PTPRD: variants seen among roughly 807,000 people sequenced by gnomAD.
PTPRD encodes the protein protein tyrosine phosphatase receptor type D, also known as receptor-type tyrosine-protein phosphatase delta.
PTPRD carries 34 observed loss-of-function variants against 214.5 expected under a neutral mutation model. The ratio of observed to expected loss-of-function variants is 0.16; its 90% CI spans 0.12 to 0.21. PTPRD has a LOEUF of 0.21. PTPRD is among the 10% of genes least tolerant of loss of function. The pLI is 1.00. For synonymous variants in PTPRD, 1,128 were observed against 845.7 expected (o/e 1.33, Z -5.79); for missense variants, 2,545 against 2,398.7 (o/e 1.06, Z -1.27).
chr9:9,353,682 A>G (rs974447366), intron 9 of PTPRD, among the ~76,000 whole-genome samples: 4 of 151,898 alleles, frequency 2.6e-5, no homozygotes, highest in African/African-American at 9.7e-5. Context: ...ATGAGCATCA[A>G]GTATTTTATA....
intron 7 of PTPRD, among the ~76,000 whole-genome samples, chr9:9,599,651 T>G (rs913298424): frequency 4.6e-5 from 7 of 152,028 alleles, no homozygotes; most frequent in African/African-American, 1.7e-4. Flanking sequence ...CTATACCATT[T>G]TTTCTCTTTG....
At chr9:9,196,915 T>A (rs1000831076) in intron 9 of PTPRD, among the ~76,000 whole-genome samples, 1 of 152,116 alleles carries the variant, frequency 6.6e-6, no homozygotes, top group Non-Finnish European at 1.5e-5. Context: ...CATAAACCAT[T>A]TCATGGAATA....
intron 9 of PTPRD, among the ~76,000 whole-genome samples, chr9:9,239,068 C>A (rs2099968905): frequency 6.6e-6 from 1 of 152,012 alleles, no homozygotes; most frequent in Non-Finnish European, 1.5e-5. Context: ...CTTAGAAGAA[C>A]TTGCAATCTC....
At chr9:9,432,608 C>T (rs2083628369) in intron 8 of PTPRD, among the ~76,000 whole-genome samples, 1 of 152,074 alleles carries the variant, frequency 6.6e-6, no homozygotes, top group East Asian at 1.9e-4. Flanking sequence ...AAAAATAAAC[C>T]CAACAGTGCA....
intron 12 of PTPRD, among the ~76,000 whole-genome samples, chr9:8,712,058 C>A (rs2098346028): frequency 6.6e-6 from 1 of 152,174 alleles, no homozygotes; most frequent in African/African-American, 2.4e-5. Context: ...ACTCATACAA[C>A]AGTACAACAC....
At chr9:9,816,904 A>G in intron 5 of PTPRD, among the ~76,000 whole-genome samples, 1 of 116,630 alleles carries the variant, frequency 8.6e-6, no homozygotes, top group East Asian at 2.0e-4. Flanking sequence ...TACTAATAAT[A>G]ATAAAGAAAA....
chr9:10,456,338 T>C (rs1453186353), intron 2 of PTPRD, among the ~76,000 whole-genome samples: 1 of 151,942 alleles, frequency 6.6e-6, no homozygotes, highest in Non-Finnish European at 1.5e-5. Flanking sequence ...AATCAAAACC[T>C]CTGCATAACG....
intron 2 of PTPRD, among the ~76,000 whole-genome samples, chr9:10,454,870 G>A (rs2098894837): frequency 6.6e-6 from 1 of 151,180 alleles, no homozygotes; most frequent in Admixed American, 6.6e-5. Flanking sequence ...CTCTAAGAGT[G>A]GTCCTAAAGA....
chr9:9,414,870 C>G (rs1021632090), intron 8 of PTPRD: 11 of 152,204 alleles, frequency 7.2e-5, no homozygotes, highest in Admixed American at 5.2e-4. Context: ...GAAATAGAAA[C>G]ACATAAAATT....
chr9:9,611,423 T>A (rs892688325), intron 7 of PTPRD, among the ~76,000 whole-genome samples: 2 of 152,198 alleles, frequency 1.3e-5, no homozygotes, highest in African/African-American at 4.8e-5. Context: ...TTGTTTTGAT[T>A]CGTAATTATT....
chr9:9,857,450 G>T (rs551365059), intron 5 of PTPRD, among the ~76,000 whole-genome samples: 2 of 152,226 alleles, frequency 1.3e-5, no homozygotes, highest in East Asian at 3.9e-4. Flanking sequence ...CTAGGTAATT[G>T]CTTTTTTATT....
intron 2 of PTPRD, among the ~76,000 whole-genome samples, chr9:10,362,687 C>G (rs1304790337): frequency 6.6e-6 from 1 of 152,046 alleles, no homozygotes; most frequent in Non-Finnish European, 1.5e-5. Context: ...CGAGACCAGC[C>G]TGGCCAACAT....
At chr9:10,165,965 T>A (rs556877891) in intron 3 of PTPRD, among the ~76,000 whole-genome samples, 182 of 150,534 alleles carry the variant, frequency 1.2e-3, no homozygotes, top group African/African-American at 4.2e-3. Flanking sequence ...AACCTATGTA[T>A]TATGTAAACA....
At chr9:9,639,507 C>A (rs542110054) in intron 7 of PTPRD, among the ~76,000 whole-genome samples, 1 of 152,288 alleles carries the variant, frequency 6.6e-6, no homozygotes, top group East Asian at 1.9e-4. Flanking sequence ...TATCTCAATA[C>A]CTCCAAAATA....
chr9:8,818,571 G>C (rs1233486554), intron 11 of PTPRD, among the ~76,000 whole-genome samples: 1 of 152,158 alleles, frequency 6.6e-6, no homozygotes, highest in Non-Finnish European at 1.5e-5. Context: ...CTGAGACTCA[G>C]AAAGGTTAAG....
At chr9:9,834,611 G>A (rs770898262) in intron 5 of PTPRD, among the ~76,000 whole-genome samples, 1 of 152,036 alleles carries the variant, frequency 6.6e-6, no homozygotes, top group African/African-American at 2.4e-5. Flanking sequence ...ATAAGTACTA[G>A]TTTGGCAGGA....
chr9:8,798,099 T>C (rs1395571575), intron 11 of PTPRD, among the ~76,000 whole-genome samples: 1 of 152,176 alleles, frequency 6.6e-6, no homozygotes, highest in East Asian at 1.9e-4. Context: ...AATGGAATTC[T>C]CTCCTTTTTT....
intron 5 of PTPRD, among the ~76,000 whole-genome samples, chr9:9,915,599 T>A (rs2382060): frequency 0.67 from 100,065 of 150,026 alleles, 33,642 homozygotes; most frequent in Non-Finnish European, 0.74. Flanking sequence ...AAAAAAATAC[T>A]ATTGAGAACT....
intron 2 of PTPRD, among the ~76,000 whole-genome samples, chr9:10,547,888 G>T (rs917587467): frequency 6.6e-6 from 1 of 152,004 alleles, no homozygotes; most frequent in Non-Finnish European, 1.5e-5. Flanking sequence ...GGTTGGGATC[G>T]TGTTTTAATA....
Sources: allele counts gnomAD v4.1 joint callset (sites outside exome capture counted in the v4.1 genomes callset), GRCh38; gene constraint gnomAD v4.1.1; transcripts MANE v1.5; gene names NCBI Gene and HGNC (gene_info 2026-07-23, HGNC 2026-07-21).